TEX14: variants seen among roughly 807,000 people sequenced by gnomAD.
The protein encoded by TEX14 is testis expressed 14, intercellular bridge forming factor.
Under a neutral mutation model 178.6 loss-of-function variants are expected in TEX14, and 168 were observed. That is an observed-to-expected ratio of 0.94 (90% CI 0.83 to 1.07). The LOEUF is 1.07. TEX14 is among the 50% of genes least tolerant of loss of function. The pLI, the probability that TEX14 is intolerant of heterozygous loss-of-function variation, is 0.00. For missense variants in TEX14, 1,730 were observed against 1,753.6 expected (o/e 0.99, Z 0.24); for synonymous variants, 626 against 634.1 (o/e 0.99, Z 0.19).
intron 24 of TEX14, among the ~76,000 whole-genome samples, chr17:58,571,280 G>A (rs28712857): frequency 4.8e-4 from 65 of 136,542 alleles, no homozygotes; most frequent in African/African-American, 1.8e-3. Context: ...CTGTCGCCCA[G>A]GCTGGAGTGT....
intron 2 of TEX14, among the ~76,000 whole-genome samples, chr17:58,646,365 GCCT>G (rs2046707591): frequency 2.6e-5 from 4 of 152,068 alleles, no homozygotes; most frequent in Non-Finnish European, 5.9e-5. Flanking sequence ...TCCAGCCCAG[GCCT>G]CCCTTGCCAG....
rs1277216683 is a variant in TEX14 at position 58,659,039 on chromosome 17, CGTAAG to C, written c.-1-7042_-1-7038del. Among the ~76,000 whole-genome samples, 4 of 150,686 alleles carry C rather than the reference CGTAAG, an allele frequency of 2.7e-5. No individual in the cohort carries two copies. In the East Asian group the frequency reaches 7.9e-4, roughly 30 times the overall value. On this transcript the variant is annotated intron_variant, in intron 1 of 31. Transcript: ENST00000349033. ...TAAAACAGACCGTAACCTAAGAAGA[CGTAAG>C]GTCATAACCACAACTCCAAAACCAA...
chr17:58,596,369 C>T (rs571619253), intron 14 of TEX14, among the ~76,000 whole-genome samples: 1 of 152,232 alleles, frequency 6.6e-6, no homozygotes, highest in East Asian at 1.9e-4. Context: ...GTAATCTCAA[C>T]TTCCTGAGCT....
At chr17:58,622,359 T>C (rs1363277923) in intron 4 of TEX14, among the ~76,000 whole-genome samples, 3 of 151,926 alleles carry the variant, frequency 2.0e-5, no homozygotes, top group Non-Finnish European at 1.5e-5. Flanking sequence ...GGCAGGAGAA[T>C]TGCTTGAACC....
chr17:58,632,724 C>T (rs2046350894), intron 2 of TEX14, among the ~76,000 whole-genome samples: 1 of 152,050 alleles, frequency 6.6e-6, no homozygotes, highest in African/African-American at 2.4e-5. Flanking sequence ...GGGGTCAGCC[C>T]ATAAAAGGGA....
chr17:58,589,013 C>T (rs1044494318), intron 15 of TEX14, among the ~76,000 whole-genome samples: 6 of 152,220 alleles, frequency 3.9e-5, no homozygotes, highest in Non-Finnish European at 8.8e-5. Flanking sequence ...GTAGCTCACA[C>T]CTGTAATCCC....
rs111871075 is a variant in TEX14, at chr17:58,588,052, C to A, written c.2577-31G>T. ...AAATGAAAGGACTGAGCTATAAGAT[C>A]TCTAAGAGTATTTTTAGTTTCTAAG... is the stretch of plus-strand genomic sequence containing the variant. On this transcript the variant is annotated intron_variant, in intron 15 of 31. Coordinates refer to ENST00000349033, the MANE Select transcript of TEX14 (RefSeq NM_031272.5). 24 of 828,264 alleles carry A rather than the reference C, an allele frequency of 2.9e-5. No homozygotes were observed. In the Middle Eastern group the frequency reaches 1.6e-3, roughly 54 times the overall value. 51.3% of individuals were successfully genotyped at this position (828,264 alleles called of 1,614,324 possible).
chr17:58,579,752 A>C (rs762983864), intron 19 of TEX14, 21 bp from the exon 20 acceptor site: 2 of 1,601,738 alleles, frequency 1.2e-6, no homozygotes, highest in Non-Finnish European at 1.7e-6. Context: ...ACAAAAGAAA[A>C]GCAAAGAAAG....
Position 58,557,049 on chromosome 17 carries a change from T to C in TEX14, c.4320-2A>G, listed in dbSNP as rs780052743. On this transcript the variant is annotated splice_acceptor_variant, in intron 31 of 31. Transcript: ENST00000349033. LOFTEE classifies it high-confidence loss of function. ...TCACTCTGATCCAGCACGATTATCCTATGCACATGTTTTTTAAAGAACAAA... is the reference window on the plus strand; with the variant it reads ...TCACTCTGATCCAGCACGATTATCCCATGCACATGTTTTTTAAAGAACAAA... 3.7e-6 allele frequency: 6 copies of C among 1,613,630 alleles called. No homozygotes were observed. The highest frequency in any genetic ancestry group is 5.1e-6 in the Non-Finnish European group (6 of 1,179,480).
At chr17:58,597,897 G>A (rs1307070574) in intron 14 of TEX14, among the ~76,000 whole-genome samples, 2 of 152,084 alleles carry the variant, frequency 1.3e-5, no homozygotes, top group East Asian at 3.8e-4. Context: ...ATACCTCCTA[G>A]CCAGCTCCCA....
chr17:58,674,100 C>G (rs920257118), intron 1 of TEX14, among the ~76,000 whole-genome samples: 1 of 151,802 alleles, frequency 6.6e-6, no homozygotes, highest in Non-Finnish European at 1.5e-5. Flanking sequence ...ATGGTGAAAC[C>G]CCATCTCTAC....
At chr17:58,601,136 A>G (rs2045426934) in intron 13 of TEX14, among the ~76,000 whole-genome samples, 1 of 152,050 alleles carries the variant, frequency 6.6e-6, no homozygotes, top group Non-Finnish European at 1.5e-5. Context: ...CTGCAATCCC[A>G]GCACTTTGGG....
intron 3 of TEX14, among the ~76,000 whole-genome samples, chr17:58,629,821 C>A (rs2046239781): frequency 6.7e-6 from 1 of 149,754 alleles, no homozygotes; most frequent in South Asian, 2.1e-4. Context: ...GGCGACAGAG[C>A]TAGACTCCGT....
At chr17:58,584,806 C>T (rs1361158311) in intron 18 of TEX14, among the ~76,000 whole-genome samples, 3 of 152,148 alleles carry the variant, frequency 2.0e-5, no homozygotes, top group South Asian at 4.1e-4. Context: ...CCCACCCATT[C>T]GAGAGTGATG....
At chr17:58,664,903 G>A (rs1053282856) in intron 1 of TEX14, among the ~76,000 whole-genome samples, 2 of 152,166 alleles carry the variant, frequency 1.3e-5, no homozygotes, top group Non-Finnish European at 2.9e-5. Context: ...TGGGTTCAGT[G>A]GCACTGAGTG....
chr17:58,665,488 T>C (rs1252932507), intron 1 of TEX14, among the ~76,000 whole-genome samples: 2 of 151,970 alleles, frequency 1.3e-5, no homozygotes, highest in African/African-American at 2.4e-5. Context: ...GTCCAGCTAC[T>C]CTGAGGCTGA....
intron 10 of TEX14, among the ~76,000 whole-genome samples, chr17:58,605,497 C>A (rs2045585800): frequency 6.6e-6 from 1 of 152,210 alleles, no homozygotes; most frequent in African/African-American, 2.4e-5. Context: ...CCTAGCTAGA[C>A]AATGAGCTAG....
chr17:58,570,248 A>T, intron 25 of TEX14, 137 bp downstream of exon 25: 1 of 493,914 alleles, frequency 2.0e-6, no homozygotes, highest in Non-Finnish European at 3.5e-6. Context: ...AGTTTCCTAC[A>T]ATGAGTGTGT....
intron 1 of TEX14, among the ~76,000 whole-genome samples, chr17:58,678,165 G>A (rs2047426819): frequency 6.6e-6 from 1 of 152,062 alleles, no homozygotes; most frequent in Non-Finnish European, 1.5e-5. Context: ...GGAAAAAAAA[G>A]GGAAGTTTTT....
Sources: gnomAD v4.1 joint callset for allele counts (sites outside exome capture counted in the v4.1 genomes callset) on GRCh38, gnomAD v4.1.1 for gene constraint, MANE v1.5 for transcripts, NCBI Gene and HGNC (gene_info 2026-07-23, HGNC 2026-07-21) for gene names.